Variants in KSR2 observed in about 807,000 individuals in gnomAD.
KSR2 encodes kinase suppressor of ras 2.
A neutral mutation model predicts 107.8 loss-of-function variants in KSR2; 25 were observed. The observed-to-expected ratio is 0.23, with a 90% CI of 0.17 to 0.32. The LOEUF (loss-of-function observed/expected upper bound fraction) is 0.32. KSR2 is among the 10% of genes least tolerant of loss of function. The pLI, the probability that KSR2 is intolerant of heterozygous loss-of-function variation, is 1.00. For missense variants in KSR2, 887 were observed against 1,268.9 expected, an observed-to-expected ratio of 0.70 and a Z score of 4.57; for synonymous variants, 480 against 507.0, an observed-to-expected ratio of 0.95 and a Z score of 0.71.
chr12:117,912,723 C>A (rs536309402), intron 1 of KSR2, among the ~76,000 whole-genome samples: 2 of 152,234 alleles, frequency 1.3e-5, no homozygotes, highest in South Asian at 4.1e-4. Flanking sequence ...AAGTGCTCAA[C>A]AAGGAGCTGG....
At position 117,647,268 on chromosome 12, in the gene KSR2, T is replaced by C. The variant is rs536417273; in HGVS notation, c.1171+20206A>G. ...GCCTGCCTGGTCATGCCCTGACTTTTAGCAAAGGAAAGAATGGCTTTAACA... is the reference window on the plus strand; with the variant it reads ...GCCTGCCTGGTCATGCCCTGACTTTCAGCAAAGGAAAGAATGGCTTTAACA... On this transcript the variant is annotated intron_variant, in intron 5 of 19. Transcript: ENST00000339824. Among the ~76,000 whole-genome samples the C allele has an allele frequency of 2.0e-5, 3 of 152,242 alleles. No homozygotes were observed. In the East Asian group the frequency reaches 5.8e-4, roughly 29 times the overall value.
At chr12:117,491,444 T>A (rs1473108139) in intron 14 of KSR2, among the ~76,000 whole-genome samples, 1 of 152,180 alleles carries the variant, frequency 6.6e-6, no homozygotes, top group Non-Finnish European at 1.5e-5. Flanking sequence ...CCTCCCAAAG[T>A]GCTGGGATTA....
At chr12:117,560,119 A>T (rs1878011115) in intron 7 of KSR2, among the ~76,000 whole-genome samples, 2 of 152,158 alleles carry the variant, frequency 1.3e-5, no homozygotes, top group Admixed American at 1.3e-4. Flanking sequence ...TGGTTCTGAA[A>T]GTAGTGTTCT....
At chr12:117,845,063 A>G (rs1892649255) in intron 3 of KSR2, among the ~76,000 whole-genome samples, 1 of 152,124 alleles carries the variant, frequency 6.6e-6, no homozygotes, top group Admixed American at 6.5e-5. Context: ...GGAGAATGGC[A>G]TGAACCCGGG....
At chr12:117,699,536 C>T (rs369105549) in intron 4 of KSR2, among the ~76,000 whole-genome samples, 13 of 152,152 alleles carry the variant, frequency 8.5e-5, no homozygotes, top group Admixed American at 2.0e-4. Context: ...GTACTGAATG[C>T]TGTGGACAAC....
At chr12:117,669,516 A>G (rs930088128) in intron 4 of KSR2, among the ~76,000 whole-genome samples, 3 of 152,072 alleles carry the variant, frequency 2.0e-5, no homozygotes, top group African/African-American at 7.2e-5. Context: ...GACAATACCT[A>G]ACAATATTTT....
intron 3 of KSR2, among the ~76,000 whole-genome samples, chr12:117,815,687 T>G (rs2893750): frequency 0.41 from 62,440 of 151,930 alleles, 15,939 homozygotes; most frequent in African/African-American, 0.7. Flanking sequence ...AAAGTGTGTG[T>G]GTGGGGGGCG....
intron 14 of KSR2, among the ~76,000 whole-genome samples, chr12:117,523,916 G>A (rs541637718): frequency 6.6e-6 from 1 of 150,438 alleles, no homozygotes; most frequent in South Asian, 2.1e-4. Context: ...AGGTTGCAGT[G>A]AGCCGAGATC....
chr12:117,510,038 G>A (rs1348580497), intron 14 of KSR2, among the ~76,000 whole-genome samples: 1 of 152,138 alleles, frequency 6.6e-6, no homozygotes, highest in African/African-American at 2.4e-5. Flanking sequence ...CGCTGACTGT[G>A]GGTCCCCTCA....
At chr12:117,741,689 C>T (rs188550406) in intron 4 of KSR2, among the ~76,000 whole-genome samples, 4 of 152,206 alleles carry the variant, frequency 2.6e-5, no homozygotes, top group Admixed American at 2.6e-4. Flanking sequence ...AGAGAAAGAC[C>T]TCAGTCTCTT....
intron 12 of KSR2, among the ~76,000 whole-genome samples, chr12:117,530,727 T>A (rs142240690): frequency 6.6e-6 from 1 of 152,150 alleles, no homozygotes; most frequent in African/African-American, 2.4e-5. Flanking sequence ...AGGAACAGCA[T>A]TGCCTCTCTC....
intron 4 of KSR2, among the ~76,000 whole-genome samples, chr12:117,692,753 T>C (rs1363345329): frequency 6.6e-6 from 1 of 151,878 alleles, no homozygotes; most frequent in Non-Finnish European, 1.5e-5. Context: ...ACATGATGAA[T>C]CTTGAAAACA....
intron 3 of KSR2, among the ~76,000 whole-genome samples, chr12:117,854,238 C>T (rs1178623887): frequency 6.6e-6 from 1 of 151,996 alleles, no homozygotes; most frequent in Non-Finnish European, 1.5e-5. Context: ...AATTCCTGAG[C>T]ACAAGAGATC....
chr12:117,776,805 C>T (rs1192209193), intron 3 of KSR2, among the ~76,000 whole-genome samples: 1 of 151,964 alleles, frequency 6.6e-6, no homozygotes, highest in Admixed American at 6.6e-5. Flanking sequence ...CACCTCCATC[C>T]CAGCTACTCT....
chr12:117,767,161 C>A (rs1356887583), intron 3 of KSR2, among the ~76,000 whole-genome samples: 4 of 151,506 alleles, frequency 2.6e-5, no homozygotes, highest in African/African-American at 9.7e-5. Flanking sequence ...CGCCTGTAAT[C>A]CCAGTACTTT....
At chr12:117,478,005 C>T (rs186765089) in intron 16 of KSR2, among the ~76,000 whole-genome samples, 14 of 152,268 alleles carry the variant, frequency 9.2e-5, no homozygotes, top group Admixed American at 2.6e-4. Flanking sequence ...TCTAAGCAGA[C>T]CCCCTCTGAG....
chr12:117,705,132 G>A (rs1329286229), intron 4 of KSR2, among the ~76,000 whole-genome samples: 2 of 152,126 alleles, frequency 1.3e-5, no homozygotes, highest in African/African-American at 4.8e-5. Flanking sequence ...GTTCATTACA[G>A]TGAATGTGAA....
intron 3 of KSR2, among the ~76,000 whole-genome samples, chr12:117,826,914 A>G (rs1361535589): frequency 1.3e-5 from 2 of 151,678 alleles, no homozygotes; most frequent in Non-Finnish European, 2.9e-5. Flanking sequence ...GGTGAACCCC[A>G]TCTCTACAAA....
chr12:117,634,093 T>G (rs549039678), intron 5 of KSR2, among the ~76,000 whole-genome samples: 1 of 152,238 alleles, frequency 6.6e-6, no homozygotes, highest in East Asian at 1.9e-4. Context: ...CCCTAGCATG[T>G]GGTGGGCGAT....
Sources: allele counts gnomAD v4.1 joint callset (sites outside exome capture counted in the v4.1 genomes callset), GRCh38; gene constraint gnomAD v4.1.1; transcripts MANE v1.5; gene names NCBI Gene and HGNC (gene_info 2026-07-23, HGNC 2026-07-21).